CENPQ: variants seen among roughly 807,000 people sequenced by gnomAD.
CENPQ encodes the protein centromere protein Q.
In CENPQ, 27 loss-of-function variants were observed where a neutral mutation model predicts 36.6. The observed-to-expected ratio is 0.74, with a 90% CI of 0.54 to 1.02. The LOEUF is 1.02. CENPQ is among the 50% of genes least tolerant of loss of function. CENPQ has a pLI of 0.00. For synonymous variants in CENPQ, 101 were observed against 101.7 expected (o/e 0.99, Z 0.04); for missense variants, 306 against 301.8 (o/e 1.01, Z -0.10).
intron 5 of CENPQ, among the ~76,000 whole-genome samples, chr6:49,476,417 T>C (rs1768293733): frequency 1.3e-5 from 2 of 152,146 alleles, no homozygotes; most frequent in Non-Finnish European, 2.9e-5. Flanking sequence ...TATACAAAAA[T>C]TAATTCAAGG....
At chr6:49,468,136 C>T (rs992548187) in intron 1 of CENPQ, among the ~76,000 whole-genome samples, 4 of 152,038 alleles carry the variant, frequency 2.6e-5, no homozygotes, top group Non-Finnish European at 5.9e-5. Flanking sequence ...AGGGCTTGCT[C>T]ATGTCTTGTC....
At chr6:49,488,781 C>A in intron 8 of CENPQ, 97 bp downstream of exon 8, 1 of 904,274 alleles carries the variant, frequency 1.1e-6, no homozygotes, top group Non-Finnish European at 1.8e-6. Context: ...TGCAATAACG[C>A]AAGTCACACA....
rs780965884 is a variant in CENPQ at position 49,470,287 on chromosome 6, A to C, written c.102+9A>C. The C allele has an allele frequency of 2.1e-5, 31 of 1,510,706 alleles. No individual in the cohort carries two copies. The highest frequency in any genetic ancestry group is 9.2e-7 in the Non-Finnish European group (1 of 1,091,970). The allele number at this position is 1,510,706 out of a possible 1,614,324, so 93.6% of individuals were successfully genotyped here. ...TGTTGTCAGAGAATAAGGTAATGAA[A>C]ATATCAAGTTTCTCATTTAGAAATC... is the stretch of plus-strand genomic sequence containing the variant. On this transcript the variant is annotated intron_variant, in intron 2 of 8. Coordinates refer to ENST00000335783, the MANE Select transcript of CENPQ (RefSeq NM_018132.4).
intron 5 of CENPQ, among the ~76,000 whole-genome samples, chr6:49,476,862 A>G (rs907326790): frequency 2.0e-5 from 3 of 152,222 alleles, no homozygotes; most frequent in Non-Finnish European, 4.4e-5. Context: ...AATCAAAACC[A>G]CAATGAGATA....
chr6:49,469,196 A>G (rs926716524), intron 1 of CENPQ, among the ~76,000 whole-genome samples: 1 of 152,182 alleles, frequency 6.6e-6, no homozygotes, highest in Non-Finnish European at 1.5e-5. Context: ...GGATAGATTT[A>G]TCATTGTCTT....
In CENPQ at chr6:49,472,773, CT is replaced by C. The variant is rs756761288; in HGVS notation, c.279-10del. 2.1e-6 allele frequency: 3 copies of C among 1,417,878 alleles called. No homozygotes were observed. The highest frequency in any genetic ancestry group is 1.4e-5 in the South Asian group (1 of 72,874). 87.8% of individuals were successfully genotyped at this position (1,417,878 alleles called of 1,614,324 possible). A position where few individuals can be genotyped will look rare whatever the true frequency, so the allele number is the denominator to read the frequency against. ...TGCATCAGACTACTATTTATTCCAT[CT>C]TTTTTTCTTTTCTAGGACAATTTTG... On this transcript the variant is annotated splice_polypyrimidine_tract_variant and intron_variant, in intron 4 of 8. Coordinates refer to ENST00000335783, the MANE Select transcript of CENPQ (RefSeq NM_018132.4).
At chr6:49,482,894 C>CT (rs1768476442) in intron 6 of CENPQ, among the ~76,000 whole-genome samples, 2 of 152,154 alleles carry the variant, frequency 1.3e-5, no homozygotes, top group South Asian at 4.1e-4. Flanking sequence ...AGCTGCAGAC[C>CT]TTCGCGGTGA....
chr6:49,483,901 G>T (rs532223512), intron 6 of CENPQ, among the ~76,000 whole-genome samples: 20 of 152,364 alleles, frequency 1.3e-4, no homozygotes, highest in Admixed American at 8.5e-4. Flanking sequence ...CTCAAGTGCC[G>T]CCAAAGTGGG....
chr6:49,471,136 T>C, intron 3 of CENPQ, 108 bp downstream of exon 3: 1 of 564,524 alleles, frequency 1.8e-6, no homozygotes, highest in Non-Finnish European at 2.8e-6. Context: ...AAGATAGTAA[T>C]AAACAACTAC....
At chr6:49,483,713 T>C (rs1768509670) in intron 6 of CENPQ, among the ~76,000 whole-genome samples, 1 of 152,332 alleles carries the variant, frequency 6.6e-6, no homozygotes, top group South Asian at 2.1e-4. Flanking sequence ...GCTCCAAGTG[T>C]GGGGCCTGCT....
At chr6:49,465,990 A>G (rs1266135636) in intron 1 of CENPQ, among the ~76,000 whole-genome samples, 1 of 152,134 alleles carries the variant, frequency 6.6e-6, no homozygotes, top group Non-Finnish European at 1.5e-5. Flanking sequence ...TTGCTTAAAC[A>G]TTTCTAGCTT....
intron 8 of CENPQ, among the ~76,000 whole-genome samples, chr6:49,489,970 G>C (rs1325287949): frequency 1.3e-5 from 2 of 152,192 alleles, no homozygotes. Flanking sequence ...AGTTGATTTA[G>C]TAGAATTAAG....
At chr6:49,465,081 C>T (rs1004405997) in intron 1 of CENPQ, among the ~76,000 whole-genome samples, 8 of 152,044 alleles carry the variant, frequency 5.3e-5, no homozygotes, top group Non-Finnish European at 1.2e-4. Context: ...CAAAATTATT[C>T]TTTGATTCAT....
intron 1 of CENPQ, among the ~76,000 whole-genome samples, chr6:49,466,126 G>GGA (rs1174407094): frequency 6.6e-6 from 1 of 152,178 alleles, no homozygotes; most frequent in African/African-American, 2.4e-5. Flanking sequence ...CTAAGGAGAG[G>GGA]GAGAGAGGCA....
chr6:49,488,396 G>A lies in CENPQ; in HGVS notation c.522G>A (p.Gly174=). Residue 174 remains glycine (G), a synonymous_variant, in exon 7 of 9, where the codon GGG becomes GGA. Transcript: ENST00000335783. ...TAGAGACCACAGAGTTAATGACTGG[G>A]AATATTCAGAGCCTAAAGAACAAAA... The part of the protein sequence containing the change: ...KMVETTELMT[G]NIQSLKNKIQ... 6.2e-7 allele frequency: 1 copy of A among 1,611,936 alleles called. No homozygotes were observed. The highest frequency in any genetic ancestry group is 8.5e-7 in the Non-Finnish European group (1 of 1,178,288).
intron 8 of CENPQ, among the ~76,000 whole-genome samples, chr6:49,491,240 C>G (rs539955569): frequency 6.6e-6 from 1 of 152,278 alleles, no homozygotes; most frequent in South Asian, 2.1e-4. Context: ...TTTTCTCATT[C>G]GACTGTATAG....
intron 5 of CENPQ, among the ~76,000 whole-genome samples, chr6:49,480,434 T>G (rs1768400084): frequency 6.6e-6 from 1 of 152,226 alleles, no homozygotes; most frequent in African/African-American, 2.4e-5. Context: ...CTTAGTGTTT[T>G]ATTTGCCTTA....
chr6:49,486,528 A>C (rs1581855573), intron 6 of CENPQ, among the ~76,000 whole-genome samples: 1 of 152,180 alleles, frequency 6.6e-6, no homozygotes, highest in South Asian at 2.1e-4. Flanking sequence ...ATCTCCACAA[A>C]TAAATTGAAA....
Position 49,470,140 on chromosome 6 carries a change from ATTTT to A in CENPQ, c.-18-9_-18-6del. The stretch of plus-strand genomic sequence containing the variant: ...TTTTGTATTATTTTCATCTTTACAG[ATTTT>A]TTTTTTTTTCGAAGCACTGTGTTTA... On this transcript the variant is annotated splice_polypyrimidine_tract_variant and intron_variant, in intron 1 of 8. Coordinates refer to ENST00000335783, the MANE Select transcript of CENPQ (RefSeq NM_018132.4). The A allele has an allele frequency of 2.1e-6, 2 of 947,448 alleles. No individual in the cohort carries two copies. Among genetic ancestry groups the A allele is most frequent in the Admixed American group, 2.8e-5 (1 of 35,722 alleles). The allele number at this position is 947,448 out of a possible 1,614,324, so 58.7% of individuals were successfully genotyped here. A position where few individuals can be genotyped will look rare whatever the true frequency, so the allele number is the denominator to read the frequency against.
Sources: gnomAD v4.1 joint callset for allele counts (sites outside exome capture counted in the v4.1 genomes callset) on GRCh38, gnomAD v4.1.1 for gene constraint, MANE v1.5 for transcripts, NCBI Gene and HGNC (gene_info 2026-07-23, HGNC 2026-07-21) for gene names.